The following NFX1 variants were observed in gnomAD, a reference collection of about 807,000 sequenced individuals.
NFX1 encodes nuclear transcription factor, X-box binding 1, also known as transcriptional repressor NF-X1.
In NFX1, 69 loss-of-function variants were observed where a neutral mutation model predicts 137.2. The ratio of observed to expected loss-of-function variants is 0.50; its 90% confidence interval spans 0.41 to 0.61. The LOEUF (loss-of-function observed/expected upper bound fraction) is 0.61. Ranked by LOEUF, NFX1 falls within the 20% of genes least tolerant of loss-of-function variation. NFX1 has a pLI of 0.00. For missense variants in NFX1, 1,167 were observed against 1,391.0 expected, an observed-to-expected ratio of 0.84 and a Z score of 2.56; for synonymous variants, 495 against 474.1, an observed-to-expected ratio of 1.04 and a Z score of -0.57.
intron 5 of NFX1, among the ~76,000 whole-genome samples, chr9:33,309,763 G>C (rs1306603776): frequency 6.6e-6 from 1 of 152,196 alleles, no homozygotes; most frequent in Admixed American, 6.5e-5. Flanking sequence ...AAAGTGCTGA[G>C]AGTACAGGCA....
intron 2 of NFX1, among the ~76,000 whole-genome samples, chr9:33,301,062 A>G (rs551605053): frequency 6.6e-6 from 1 of 152,296 alleles, no homozygotes; most frequent in South Asian, 2.1e-4. Flanking sequence ...TCTCCTTCCT[A>G]AATCCTCTTC....
At chr9:33,308,025 G>A (rs991213673) in intron 5 of NFX1, among the ~76,000 whole-genome samples, 17 of 151,960 alleles carry the variant, frequency 1.1e-4, no homozygotes, top group African/African-American at 2.4e-4. Flanking sequence ...GGTTGGTCTC[G>A]AACTCCTGGG....
chr9:33,332,093 T>C (rs1191108037), intron 10 of NFX1, among the ~76,000 whole-genome samples: 2 of 152,362 alleles, frequency 1.3e-5, no homozygotes. Flanking sequence ...TTTCAATTCT[T>C]ATATCTGCTT....
At chr9:33,347,335 C>G (rs1035978522) in intron 15 of NFX1, among the ~76,000 whole-genome samples, 1 of 152,186 alleles carries the variant, frequency 6.6e-6, no homozygotes, top group Non-Finnish European at 1.5e-5. Context: ...TACATACCAT[C>G]AAACCACTAC....
intron 1 of NFX1, among the ~76,000 whole-genome samples, chr9:33,293,769 G>A (rs544271017): frequency 5.3e-5 from 8 of 152,350 alleles, no homozygotes; most frequent in Non-Finnish European, 1.2e-4. Flanking sequence ...CTTTGGGATT[G>A]TAGACCAGAT....
At chr9:33,339,088 ACT>A (rs1260466537) in intron 12 of NFX1, among the ~76,000 whole-genome samples, 11 of 152,164 alleles carry the variant, frequency 7.2e-5, no homozygotes, top group Non-Finnish European at 1.3e-4. Flanking sequence ...GGCTATTTGT[ACT>A]CTGTTATCTC....
At chr9:33,336,364 C>T (rs1022569669) in intron 11 of NFX1, among the ~76,000 whole-genome samples, 9 of 151,796 alleles carry the variant, frequency 5.9e-5, no homozygotes, top group East Asian at 1.9e-4. Flanking sequence ...TACAGGTGCC[C>T]GCCACCGCGC....
At chr9:33,307,077 G>T in intron 4 of NFX1, 117 bp from the exon 5 acceptor site, 1 of 667,466 alleles carries the variant, frequency 1.5e-6, no homozygotes, top group Non-Finnish European at 2.6e-6. Flanking sequence ...TACATTTGTT[G>T]AAATAATAAA....
intron 12 of NFX1, among the ~76,000 whole-genome samples, chr9:33,342,128 T>TCTCTCACACA (rs553375106): frequency 6.8e-6 from 1 of 146,086 alleles, no homozygotes; most frequent in African/African-American, 2.5e-5. Flanking sequence ...TCTCTCTCTC[T>TCTCTCACACA]CACACACACA....
At chr9:33,360,569 A>G (rs1823955792) in intron 19 of NFX1, among the ~76,000 whole-genome samples, 1 of 152,192 alleles carries the variant, frequency 6.6e-6, no homozygotes, top group Non-Finnish European at 1.5e-5. Context: ...AACCTAAGAG[A>G]AAAAAATGCA....
Position 33,318,509 on chromosome 9 carries a change from T to A in NFX1, c.1589-222T>A, listed in dbSNP as rs542709750. On this transcript the variant is annotated intron_variant, in intron 7 of 23. Coordinates refer to ENST00000379540, the MANE Select transcript of NFX1 (RefSeq NM_002504.6). ...TATTAATAGTTTAACAAGGCTTTTT[T>A]AATTTCTTCCTATGGTAAAGCTCTT... Among the ~76,000 whole-genome samples the A allele has an allele frequency of 5.9e-5, 9 of 152,360 alleles. No homozygotes were observed. In the South Asian group the frequency reaches 1.0e-3, roughly 18 times the overall value.
chr9:33,358,245 G>T (rs577320206), intron 19 of NFX1, among the ~76,000 whole-genome samples: 1 of 151,382 alleles, frequency 6.6e-6, no homozygotes. Flanking sequence ...CTGCCTCAGC[G>T]TCCCAAGTAG....
At chr9:33,362,308 G>A (rs1824020785) in intron 19 of NFX1, among the ~76,000 whole-genome samples, 1 of 152,066 alleles carries the variant, frequency 6.6e-6, no homozygotes, top group Admixed American at 6.6e-5. Context: ...AGAGATACCT[G>A]TACTCTCATA....
At chr9:33,320,011 G>C (rs1362885935) in intron 9 of NFX1, among the ~76,000 whole-genome samples, 2 of 149,986 alleles carry the variant, frequency 1.3e-5, no homozygotes, top group African/African-American at 4.9e-5. Context: ...GCCCAGGCTA[G>C]AGTGCAGTGG....
intron 12 of NFX1, 58 bp downstream of exon 12, chr9:33,338,647 A>G: frequency 6.9e-7 from 1 of 1,458,102 alleles, no homozygotes; most frequent in Admixed American, 2.2e-5. Context: ...GGGCTTCTGG[A>G]AGCCTGAGCC....
chr9:33,301,418 G>C lies in NFX1; in HGVS notation c.1189G>C (p.Ala397Pro), dbSNP rs372055783. The change falls in exon 3 of 24, where the codon GCA becomes CCA. Residue 397 changes from alanine (A) to proline (P), a missense_variant. Physicochemically the swap from Ala to Pro is conservative, Grantham distance 27. Transcript: ENST00000379540. Reference sequence around the variant, plus strand: ...ATGGGCAAGGTCTCCAGCATCTCAAGCAGGTCAATTAATTCTCTCTTCTGA... The same window carrying C: ...ATGGGCAAGGTCTCCAGCATCTCAACCAGGTCAATTAATTCTCTCTTCTGA... ...KKWARSPASQ[A>P]DGQSGWRCPA... is the part of the protein sequence containing the mutation. 4 of 1,613,450 alleles carry C rather than the reference G, an allele frequency of 2.5e-6. No individual in the cohort carries two copies. In the African/African-American group the frequency reaches 4.0e-5, roughly 16 times the overall value.
At chr9:33,303,041 G>A in intron 3 of NFX1, 150 bp from the exon 4 acceptor site, 1 of 406,368 alleles carries the variant, frequency 2.5e-6, no homozygotes, top group Non-Finnish European at 4.7e-6. Flanking sequence ...AGTCAGTATT[G>A]TGAATTTGTT....
At chr9:33,301,515 C>T in intron 3 of NFX1, 94 bp downstream of exon 3, 1 of 1,357,928 alleles carries the variant, frequency 7.4e-7, no homozygotes, top group Non-Finnish European at 1.0e-6. Flanking sequence ...TTTAATTTCT[C>T]TTAACTACTT....
At chr9:33,329,376 G>A (rs1315450617) in intron 10 of NFX1, among the ~76,000 whole-genome samples, 1 of 152,110 alleles carries the variant, frequency 6.6e-6, no homozygotes, top group African/African-American at 2.4e-5. Context: ...GAGGTGTACC[G>A]ATACCATGTG....
Sources: allele counts gnomAD v4.1 joint callset (sites outside exome capture counted in the v4.1 genomes callset), GRCh38; gene constraint gnomAD v4.1.1; transcripts MANE v1.5; gene names NCBI Gene and HGNC (gene_info 2026-07-23, HGNC 2026-07-21).